CDKL5: variants seen among roughly 807,000 people sequenced by gnomAD.
CDKL5 encodes the protein cyclin-dependent kinase-like 5.
CDKL5 carries 8 observed loss-of-function variants against 61.7 expected under a neutral mutation model. The observed-to-expected ratio is 0.13, with a 90% CI of 0.08 to 0.23. CDKL5 has a LOEUF of 0.23. CDKL5 is among the 10% of genes least tolerant of loss of function. The probability of loss-of-function intolerance (pLI) is 1.00; values close to 1 mark genes in which losing one functional copy is unlikely to be tolerated. For missense variants in CDKL5, 440 were observed against 734.5 expected, an observed-to-expected ratio of 0.60 and a Z score of 4.63; for synonymous variants, 275 against 272.3, an observed-to-expected ratio of 1.01 and a Z score of -0.10.
chrX:18,529,483 C>T (rs1320205984), intron 3 of CDKL5, among the ~76,000 whole-genome samples: 1 of 110,250 alleles, frequency 9.1e-6, no homozygotes, highest in South Asian at 3.8e-4. Context: ...TCTGTAGATC[C>T]CAGTTTCTTA....
At position 18,538,459 on chromosome X, in the gene CDKL5, T is replaced by C. The variant is rs764295800; in HGVS notation, c.100-26018T>C. ...TAAGGTCATTTATCAATTTTTTTTT[T>C]CCTATGGACTGTGCTTTTGGTGTCA... is the stretch of plus-strand genomic sequence containing the variant. On this transcript the variant is annotated intron_variant, in intron 3 of 17. Transcript: ENST00000623535. Among the ~76,000 whole-genome samples, 4 of 111,733 alleles carry C rather than the reference T, an allele frequency of 3.6e-5. No individual in the cohort carries two copies. The South Asian group carries it at 1.5e-3, about 42-fold the overall frequency.
At chrX:18,519,218 G>A (rs1000522845) in intron 3 of CDKL5, among the ~76,000 whole-genome samples, 5 of 112,152 alleles carry the variant, frequency 4.5e-5, no homozygotes. Context: ...TTGTTGGAAT[G>A]CAGCCACAGT....
chrX:18,553,459 T>TGTGTGC (rs1253710834), intron 3 of CDKL5, among the ~76,000 whole-genome samples: 5 of 100,360 alleles, frequency 5.0e-5, no homozygotes, highest in Non-Finnish European at 9.9e-5. Flanking sequence ...CAGTTGTGTG[T>TGTGTGC]GTGTGCGTGT....
intron 3 of CDKL5, among the ~76,000 whole-genome samples, chrX:18,518,317 A>G (rs774851621): frequency 3.3e-4 from 35 of 106,048 alleles, no homozygotes; most frequent in African/African-American, 1.2e-3. Context: ...AATAAGATGT[A>G]ATTTTTACTT....
At position 18,638,400 on chromosome X, in the gene CDKL5, T is replaced by C. The variant is rs1169173998; in HGVS notation, c.*9643T>C. On this transcript the variant is annotated 3_prime_UTR_variant, in exon 18 of 18. Transcript: ENST00000623535. ...TTTCTAAAAATAAAAGTAAATATGTTAAAATAAGGTAAGAGTGAGTTTTTC... is the reference window on the plus strand; with the variant it reads ...TTTCTAAAAATAAAAGTAAATATGTCAAAATAAGGTAAGAGTGAGTTTTTC... The C allele has an allele frequency of 8.9e-6, 1 of 112,100 alleles. No homozygotes were observed. The highest frequency in any genetic ancestry group is 1.9e-5 in the Non-Finnish European group (1 of 53,117). The allele number at this position is 112,100 out of a possible 1,213,427, so 9.2% of individuals were successfully genotyped here.
chrX:18,469,589 A>G (rs1921012543), intron 1 of CDKL5, among the ~76,000 whole-genome samples: 1 of 107,738 alleles, frequency 9.3e-6, no homozygotes, highest in Non-Finnish European at 1.9e-5. Context: ...CGGAGGTTGC[A>G]ATGAGCCGAG....
chrX:18,612,619 C>T (rs1397524029), intron 14 of CDKL5, among the ~76,000 whole-genome samples: 3 of 104,913 alleles, frequency 2.9e-5, no homozygotes, highest in African/African-American at 1.1e-4. Context: ...ATGATTGTGC[C>T]ACTGCACTCC....
In CDKL5 at chrX:18,625,129, T is replaced by C. The variant is rs62643617; in HGVS notation, c.2378T>C (p.Val793Ala). 11 of 1,207,907 alleles carry C rather than the reference T, an allele frequency of 9.1e-6. No homozygotes were observed. Among genetic ancestry groups the C allele is most frequent in the Non-Finnish European group, 1.2e-5 (11 of 893,221 alleles). ...ATGCTTGTCCATATTTTGCTCTAGG[T>C]ACCCAATTCCGACAGCCCTGATCTT... The part of the protein sequence containing the change: ...MKKKKKKSQT[V>A]PNSDSPDLLT... Residue 793 changes from valine to alanine, a missense_variant and splice_region_variant, in exon 17 of 18, where the codon GTA becomes GCA. Val to Ala is a moderately conservative substitution (Grantham distance 64). Transcript: ENST00000623535.
intron 3 of CDKL5, among the ~76,000 whole-genome samples, 181 bp downstream of exon 3, chrX:18,511,035 T>C (rs993614979): frequency 4.5e-5 from 5 of 111,818 alleles, no homozygotes; most frequent in Non-Finnish European, 7.5e-5. Flanking sequence ...ATGAGATACC[T>C]TGGGGATGGG....
At chrX:18,559,533 C>G in intron 3 of CDKL5, among the ~76,000 whole-genome samples, 1 of 109,860 alleles carries the variant, frequency 9.1e-6, no homozygotes, top group Admixed American at 9.7e-5. Flanking sequence ...AAGGGTGGAG[C>G]AGAGAATACA....
chrX:18,520,460 A>G (rs1039426298), intron 3 of CDKL5, among the ~76,000 whole-genome samples: 1 of 111,951 alleles, frequency 8.9e-6, no homozygotes, highest in African/African-American at 3.2e-5. Context: ...TTGTATGAAT[A>G]TACCTCATCG....
chrX:18,455,288 G>A (rs948922726), intron 1 of CDKL5, among the ~76,000 whole-genome samples: 1 of 111,959 alleles, frequency 8.9e-6, no homozygotes, highest in African/African-American at 3.2e-5. Context: ...GTTGAATCTT[G>A]CCAAAGCATC....
intron 1 of CDKL5, among the ~76,000 whole-genome samples, chrX:18,472,820 A>AT (rs779462090): frequency 9.2e-6 from 1 of 108,146 alleles, no homozygotes; most frequent in South Asian, 4.0e-4. Flanking sequence ...GGAGTAGGGG[A>AT]TTTTAGGGCA....
At chrX:18,643,782 C>T (rs1281209490), downstream of CDKL5, among the ~76,000 whole-genome samples, 1 of 110,171 alleles carries the variant, frequency 9.1e-6, no homozygotes, top group Non-Finnish European at 1.9e-5. Context: ...GGATGTTTAC[C>T]ATTTCCAAAG....
intron 3 of CDKL5, among the ~76,000 whole-genome samples, chrX:18,553,718 C>G (rs1326128984): frequency 9.0e-6 from 1 of 111,547 alleles, no homozygotes; most frequent in Admixed American, 9.5e-5. Context: ...TGTTCTCGAA[C>G]TCCTAACCTC....
chrX:18,549,489 C>G (rs1181163657), intron 3 of CDKL5, among the ~76,000 whole-genome samples: 1 of 112,165 alleles, frequency 8.9e-6, no homozygotes, highest in Non-Finnish European at 1.9e-5. Context: ...CTTTATTTAG[C>G]AGGGATAATA....
chrX:18,491,635 C>G (rs2147080750), intron 1 of CDKL5, among the ~76,000 whole-genome samples: 1 of 111,661 alleles, frequency 9.0e-6, no homozygotes, highest in African/African-American at 3.2e-5. Flanking sequence ...TACTTTTATA[C>G]TTTTTAATTA....
At chrX:18,574,635 G>T (rs762114379) in intron 4 of CDKL5, among the ~76,000 whole-genome samples, 1 of 111,674 alleles carries the variant, frequency 9.0e-6, no homozygotes, top group Non-Finnish European at 1.9e-5. Context: ...ATGGAAGAGG[G>T]TCTATTGGTT....
chrX:18,646,919 AT>A (rs1279853219), intron 20 of CDKL5, among the ~76,000 whole-genome samples: 2 of 109,524 alleles, frequency 1.8e-5, no homozygotes, highest in South Asian at 8.0e-4. Flanking sequence ...AGAGGCCTAT[AT>A]TTTTTTTCAT....
Sources: allele counts gnomAD v4.1 joint callset (sites outside exome capture counted in the v4.1 genomes callset), GRCh38; gene constraint gnomAD v4.1.1; transcripts MANE v1.5; gene names NCBI Gene and HGNC (gene_info 2026-07-23, HGNC 2026-07-21).